ANK1: variants seen among roughly 807,000 people sequenced by gnomAD.
ANK1 encodes the protein ankyrin 1.
In ANK1, 51 loss-of-function variants were observed where a neutral mutation model predicts 210.4. That is an observed-to-expected ratio of 0.24 (90% CI 0.19 to 0.31). The LOEUF (loss-of-function observed/expected upper bound fraction) is 0.31, where lower values mean the gene tolerates loss of function less well. Among genes scored for constraint, ANK1 ranks in the 10% least tolerant of loss-of-function variants. The pLI is 1.00. For synonymous variants in ANK1, 967 were observed against 1,025.9 expected, an observed-to-expected ratio of 0.94 and a Z score of 1.10; for missense variants, 2,051 against 2,504.4, an observed-to-expected ratio of 0.82 and a Z score of 3.86.
At position 41,723,636 on chromosome 8, in the gene ANK1, G is replaced by A; in HGVS notation, c.712-3C>T. 6.2e-7 allele frequency: 1 copy of A among 1,612,246 alleles called. No homozygotes were observed. The highest frequency in any genetic ancestry group is 8.5e-7 in the Non-Finnish European group (1 of 1,179,902). ...ATGTGCAGTGGCGTGATGCCGTTCTGAAGGGAGGAAGCAGGACGGTCAGGG... is the reference window on the plus strand; with the variant it reads ...ATGTGCAGTGGCGTGATGCCGTTCTAAAGGGAGGAAGCAGGACGGTCAGGG... On this transcript the variant is annotated splice_region_variant and splice_polypyrimidine_tract_variant and intron_variant, in intron 7 of 42. Coordinates refer to ENST00000289734, the MANE Select transcript of ANK1 (RefSeq NM_000037.4).
chr8:41,741,890 G>A (rs930974760), intron 2 of ANK1, among the ~76,000 whole-genome samples: 5 of 152,128 alleles, frequency 3.3e-5, no homozygotes, highest in African/African-American at 9.7e-5. Flanking sequence ...TTTCCACATG[G>A]TCCTAACATA....
chr8:41,793,205 CT>C (rs1284881523), intron 1 of ANK1, among the ~76,000 whole-genome samples: 7 of 152,122 alleles, frequency 4.6e-5, no homozygotes, highest in African/African-American at 1.7e-4. Flanking sequence ...AGTGAGACCC[CT>C]GTCTCTACAA....
At chr8:41,739,831 C>T (rs368837051) in intron 2 of ANK1, among the ~76,000 whole-genome samples, 6 of 152,212 alleles carry the variant, frequency 3.9e-5, no homozygotes, top group African/African-American at 1.4e-4. Context: ...CTTGACCTCC[C>T]TCAACTTCCA....
intron 2 of ANK1, among the ~76,000 whole-genome samples, chr8:41,740,723 C>T (rs1271693803): frequency 6.6e-6 from 1 of 152,212 alleles, no homozygotes. Flanking sequence ...AATTAAGGTT[C>T]CTGAGTTGGT....
At chr8:41,766,116 A>C (rs1841730466) in intron 1 of ANK1, among the ~76,000 whole-genome samples, 2 of 152,234 alleles carry the variant, frequency 1.3e-5, no homozygotes, top group African/African-American at 4.8e-5. Flanking sequence ...TTGGAGCAAA[A>C]TGCAGCTTCT....
Position 41,714,174 on chromosome 8 carries a change from G to T in ANK1, c.1782C>A (p.Ser594=), listed in dbSNP as rs61753679. ...GCCTTACCCAGGCAGGGCTGTGCGG[G>T]GAGCCGCCCCGGGGAAGCAGCAGCT... ...IVKLLLPRGG[S]PHSPAWNGYT... The change falls in exon 16 of 43, where the codon TCC becomes TCA. Residue 594 remains serine, a synonymous_variant. Coordinates refer to ENST00000289734, the MANE Select transcript of ANK1 (RefSeq NM_000037.4). 0.033 allele frequency: 47,038 copies of T among 1,443,150 alleles called. 955 individuals carry two copies. Among genetic ancestry groups the T allele is most frequent in the Non-Finnish European group, 0.039 (42,351 of 1,081,444 alleles). The allele number at this position is 1,443,150 out of a possible 1,614,324, so 89.4% of individuals were successfully genotyped here.
At chr8:41,687,462 C>T (rs376746257) in intron 35 of ANK1, among the ~76,000 whole-genome samples, 13 of 152,222 alleles carry the variant, frequency 8.5e-5, no homozygotes, top group African/African-American at 2.2e-4. Context: ...AGCACGAGAA[C>T]GTAGCTTCTT....
At chr8:41,809,758 C>T (rs1167327310) in intron 1 of ANK1, among the ~76,000 whole-genome samples, 2 of 152,134 alleles carry the variant, frequency 1.3e-5, no homozygotes, top group Admixed American at 1.3e-4. Flanking sequence ...CAGAGTGAGA[C>T]CCCACCTCTA....
intron 42 of ANK1, 58 bp downstream of exon 42, chr8:41,661,372 G>C: frequency 6.2e-7 from 1 of 1,603,144 alleles, no homozygotes; most frequent in Non-Finnish European, 8.5e-7. Context: ...GTGAGACAGG[G>C]AGCAGCCACT....
In ANK1 at chr8:41,864,115, C is replaced by T. The variant is rs138907275; in HGVS notation, c.126+32240G>A. On this transcript the variant is annotated intron_variant, in intron 1 of 42. Transcript: ENST00000265709. ...AATACAAAAAATTAGCCAGGCATGG[C>T]GGCAGGTGCCTGTAGTCCTAGCTAC... is the stretch of plus-strand genomic sequence containing the variant. Among the ~76,000 whole-genome samples the T allele has an allele frequency of 2.6e-3, 401 of 151,924 alleles. 4 individuals are homozygous for T. Among genetic ancestry groups the T allele is most frequent in the African/African-American group, 7.5e-3 (310 of 41,438 alleles).
Position 41,704,531 on chromosome 8 carries a change from T to G in ANK1, c.2098-59A>C. 6.9e-7 allele frequency: 1 copy of G among 1,451,638 alleles called. No individual in the cohort carries two copies. The highest frequency in any genetic ancestry group is 9.7e-7 in the Non-Finnish European group (1 of 1,032,788). 89.9% of individuals were successfully genotyped at this position (1,451,638 alleles called of 1,614,324 possible). A position where few individuals can be genotyped will look rare whatever the true frequency, so the allele number is the denominator to read the frequency against. On this transcript the variant is annotated intron_variant, in intron 18 of 42. Coordinates refer to ENST00000289734, the MANE Select transcript of ANK1 (RefSeq NM_000037.4). This position sits in a 1 kb window ranked among gnomAD's most constrained non-coding sequence, Gnocchi z 4.1. ...GTCCTGAGCTGGGCATCACATGAAA[T>G]CCTTCCCAAAGCAGCTGATTCAAAG...
rs1327414528 is a variant in ANK1 at position 41,795,918 on chromosome 8, G to A, written c.27+1594C>T. ...GTTACCAGAAGAGAGGACTTGTAATGATACCAACACGTAAAAATGATAAAC... is the reference window on the plus strand; with the variant it reads ...GTTACCAGAAGAGAGGACTTGTAATAATACCAACACGTAAAAATGATAAAC... On this transcript the variant is annotated intron_variant, in intron 1 of 42. Coordinates refer to ENST00000289734, the MANE Select transcript of ANK1 (RefSeq NM_000037.4). 2.0e-5 allele frequency among the ~76,000 whole-genome samples: 3 copies of A among 152,242 alleles called. No individual in the cohort carries two copies. In the East Asian group the frequency reaches 5.8e-4, roughly 29 times the overall value.
At chr8:41,779,039 T>A (rs1347857430) in intron 1 of ANK1, among the ~76,000 whole-genome samples, 1 of 152,098 alleles carries the variant, frequency 6.6e-6, no homozygotes, top group Non-Finnish European at 1.5e-5. Context: ...CAGTACCCGA[T>A]GGTGTTCAGT....
chr8:41,757,963 C>T, intron 2 of ANK1, 73 bp downstream of exon 2: 1 of 1,387,168 alleles, frequency 7.2e-7, no homozygotes, highest in Non-Finnish European at 1.0e-6. Flanking sequence ...GAGGCAGTTT[C>T]AAAGCTCTCA....
At chr8:41,700,356 G>A in intron 22 of ANK1, 1 of 1,457,280 alleles carries the variant, frequency 6.9e-7, no homozygotes, top group Non-Finnish European at 9.6e-7. Context: ...GAATGGATTA[G>A]TGAGCATCAG....
intron 2 of ANK1, among the ~76,000 whole-genome samples, chr8:41,734,385 C>T (rs942541137): frequency 2.6e-5 from 4 of 152,170 alleles, no homozygotes; most frequent in Non-Finnish European, 4.4e-5. Context: ...CTTTAGGCAG[C>T]CCACTTAATT....
At position 41,855,996 on chromosome 8, in the gene ANK1, C is replaced by T. The variant is rs376156404; in HGVS notation, c.126+40359G>A. On this transcript the variant is annotated intron_variant, in intron 1 of 42. Coordinates refer to the ANK1 transcript ENST00000265709. ...ATTGTCCACCCCGATCCCCTCAGCA[C>T]GGGAAATTCTGATGTCAACAAGCCG... 7.2e-5 allele frequency among the ~76,000 whole-genome samples: 11 copies of T among 152,262 alleles called. No homozygotes were observed. The South Asian group carries it at 8.3e-4, about 11-fold the overall frequency.
chr8:41,769,977 C>CTTTTTTTTTTTTTTTTTT, intron 1 of ANK1, among the ~76,000 whole-genome samples: 235 of 86,586 alleles, frequency 2.7e-3, no homozygotes, highest in Non-Finnish European at 3.0e-3. Context: ...TTTCTTTTTT[C>CTTTTTTTTTTTTTTTTTT]TTTTTTTTTT....
chr8:41,766,491 G>A (rs1841812906), intron 1 of ANK1, among the ~76,000 whole-genome samples: 1 of 152,214 alleles, frequency 6.6e-6, no homozygotes, highest in African/African-American at 2.4e-5. Flanking sequence ...ATAAGTTAAA[G>A]GTGTCACTGA....
Sources: allele counts gnomAD v4.1 joint callset (sites outside exome capture counted in the v4.1 genomes callset), GRCh38; gene constraint gnomAD v4.1.1; non-coding constraint Gnocchi (gnomAD v3.1); transcripts MANE v1.5; gene names NCBI Gene and HGNC (gene_info 2026-07-23, HGNC 2026-07-21).